ZNF516: variants seen among roughly 807,000 people sequenced by gnomAD.
ZNF516 encodes the protein zinc finger protein 516.
ZNF516 carries 19 observed loss-of-function variants against 79.7 expected under a neutral mutation model. The ratio of observed to expected loss-of-function variants is 0.24; its 90% CI spans 0.17 to 0.35. The LOEUF is 0.35. ZNF516 is among the 10% of genes least tolerant of loss of function. ZNF516 has a pLI of 1.00. For missense variants in ZNF516, 1,678 were observed against 1,679.5 expected, an observed-to-expected ratio of 1.00 and a Z score of 0.02; for synonymous variants, 877 against 739.5, an observed-to-expected ratio of 1.19 and a Z score of -3.02.
At chr18:76,381,375 G>A (rs2074890059) in intron 3 of ZNF516, among the ~76,000 whole-genome samples, 2 of 152,134 alleles carry the variant, frequency 1.3e-5, no homozygotes, top group South Asian at 2.1e-4. Flanking sequence ...ATAAAACACA[G>A]GATTCTTCAC....
chr18:76,377,307 G>A (rs547079967), intron 4 of ZNF516, among the ~76,000 whole-genome samples: 5 of 152,396 alleles, frequency 3.3e-5, no homozygotes, highest in Admixed American at 1.3e-4. Flanking sequence ...CCGGGCCTAC[G>A]GCCTCATCCT....
chr18:76,495,667 T>C, upstream of ZNF516: 2 of 1,168,360 alleles, frequency 1.7e-6, no homozygotes, highest in South Asian at 1.4e-5. Flanking sequence ...GGAGGCCGTT[T>C]CCGCGCGCAC....
chr18:76,487,050 T>C (rs748634332), intron 1 of ZNF516, among the ~76,000 whole-genome samples: 7 of 152,252 alleles, frequency 4.6e-5, no homozygotes, highest in Non-Finnish European at 1.0e-4. Flanking sequence ...GTTTGCTTTC[T>C]AAAAATAGTT....
chr18:76,442,141 T>C lies in ZNF516; in HGVS notation c.914A>G (p.Lys305Arg), dbSNP rs1409956098. ...MKAHGPKTGS[K>R]NRPKSELDPI... is the part of the protein sequence containing the mutation. ...GTCCAGCTCACTCTTGGGCCTGTTC[T>C]TGCTGCCCGTCTTGGGGCCGTGCGC... Residue 305 changes from lysine to arginine, a missense_variant, in exon 3 of 7, where the codon AAG (lysine) becomes AGG (arginine). Coordinates refer to ENST00000443185, the MANE Select transcript of ZNF516 (RefSeq NM_014643.4). The C allele has an allele frequency of 1.2e-6, 2 of 1,613,884 alleles. No homozygotes were observed. Among genetic ancestry groups the C allele is most frequent in the South Asian group, 1.1e-5 (1 of 91,090 alleles).
At chr18:76,489,586 CAAAAAAAAAAAAAA>C (rs5826461) in intron 1 of ZNF516, among the ~76,000 whole-genome samples, 1 of 109,396 alleles carries the variant, frequency 9.1e-6, no homozygotes, top group African/African-American at 3.4e-5. Context: ...CAACATCTTA[CAAAAAAAAAAAAAA>C]AAAAAAAGTT....
In ZNF516 at chr18:76,358,380, A is replaced by G. The variant is rs942846818; in HGVS notation, c.*4118T>C. 1 of 152,256 alleles carries G rather than the reference A, an allele frequency of 6.6e-6. No individual in the cohort carries two copies. The highest frequency in any genetic ancestry group is 1.9e-4 in the East Asian group (1 of 5,206). 9.4% of individuals were successfully genotyped at this position (152,256 alleles called of 1,614,324 possible). A position where few individuals can be genotyped will look rare whatever the true frequency, so the allele number is the denominator to read the frequency against. ...TATAAATTGTATTTTAAAAAAAGAA[A>G]TACAAATTCTATGGTCTTTTGCATT... On this transcript the variant is annotated 3_prime_UTR_variant, in exon 7 of 7. Coordinates refer to ENST00000443185, the MANE Select transcript of ZNF516 (RefSeq NM_014643.4).
chr18:76,370,700 G>C (rs690035), intron 5 of ZNF516, 105 bp from the exon 6 acceptor site: 258,229 of 927,716 alleles, frequency 0.28, 37,523 homozygotes, highest in African/African-American at 0.31. Context: ...AAAGACACCA[G>C]CGCCTAGCCT....
At chr18:76,491,327 C>A (rs993408381) in intron 1 of ZNF516, among the ~76,000 whole-genome samples, 5 of 128,232 alleles carry the variant, frequency 3.9e-5, no homozygotes, top group Admixed American at 7.5e-5. Flanking sequence ...CTCGCTCCCC[C>A]CAACCCCGCG....
chr18:76,409,708 GC>G (rs2075349351), intron 3 of ZNF516, among the ~76,000 whole-genome samples: 1 of 152,210 alleles, frequency 6.6e-6, no homozygotes, highest in African/African-American at 2.4e-5. Flanking sequence ...CCTCCCTGTA[GC>G]TGGAGATGGT....
intron 1 of ZNF516, among the ~76,000 whole-genome samples, chr18:76,476,096 A>G (rs541377093): frequency 6.6e-6 from 1 of 152,354 alleles, no homozygotes; most frequent in African/African-American, 2.4e-5. Flanking sequence ...TGCACTTTGT[A>G]CTATTATCTG....
chr18:76,468,323 C>G (rs1246563198), intron 1 of ZNF516, among the ~76,000 whole-genome samples: 1 of 152,162 alleles, frequency 6.6e-6, no homozygotes, highest in Non-Finnish European at 1.5e-5. Flanking sequence ...GCTTGTCCAA[C>G]CCGCGGCAGC....
rs2145018490 is a variant in ZNF516, at chr18:76,379,150, T to C, written c.2964A>G (p.Ala988=). 1.2e-6 allele frequency: 2 copies of C among 1,612,836 alleles called. No individual in the cohort carries two copies. Among genetic ancestry groups the C allele is most frequent in the Non-Finnish European group, 1.7e-6 (2 of 1,179,712 alleles). ...FSAQPQGPPP[A]KGEGGAPPLP... ...GAGGAGGAGCGCCCCCTTCGCCCTTTGCAGGAGGTGGACCCTGAGGCTGAG... is the reference window on the plus strand; with the variant it reads ...GAGGAGGAGCGCCCCCTTCGCCCTTCGCAGGAGGTGGACCCTGAGGCTGAG... The change falls in exon 4 of 7, where the codon GCA becomes GCG. Residue 988 remains alanine (A), a synonymous_variant. Transcript: ENST00000443185.
At chr18:76,429,607 T>A (rs2075637157) in intron 3 of ZNF516, among the ~76,000 whole-genome samples, 1 of 152,156 alleles carries the variant, frequency 6.6e-6, no homozygotes, top group Non-Finnish European at 1.5e-5. Context: ...AAAGGTCAGC[T>A]TCTTGTCCCC....
intron 3 of ZNF516, among the ~76,000 whole-genome samples, chr18:76,419,271 A>C (rs2075476362): frequency 2.0e-5 from 3 of 152,210 alleles, no homozygotes; most frequent in Admixed American, 2.0e-4. Context: ...TATCTTCCAG[A>C]TGTGTTAGGT....
chr18:76,433,634 G>A (rs1334065681), intron 3 of ZNF516, among the ~76,000 whole-genome samples: 1 of 152,204 alleles, frequency 6.6e-6, no homozygotes, highest in Non-Finnish European at 1.5e-5. Context: ...AGACGGGCAG[G>A]TGCCAGAGCT....
intron 2 of ZNF516, among the ~76,000 whole-genome samples, chr18:76,444,565 A>G (rs191834420): frequency 8.1e-4 from 124 of 152,348 alleles, no homozygotes; most frequent in African/African-American, 2.6e-3. Context: ...GAAAGATGAC[A>G]GGGCCACCCA....
chr18:76,482,963 G>GT (rs1382629761), intron 1 of ZNF516, among the ~76,000 whole-genome samples: 1 of 152,084 alleles, frequency 6.6e-6, no homozygotes, highest in Non-Finnish European at 1.5e-5. Context: ...TAGTATATAG[G>GT]TTCGGGTAAA....
Position 76,378,907 on chromosome 18 carries a change from A to C in ZNF516, c.3207T>G (p.Phe1069Leu). 1.2e-6 allele frequency: 2 copies of C among 1,613,806 alleles called. No homozygotes were observed. The highest frequency in any genetic ancestry group is 2.7e-5 in the African/African-American group (2 of 75,050). Reference protein sequence around the residue: ...NIFKTYIPKDFATLYQGWGVS... With the variant: ...NIFKTYIPKDLATLYQGWGVS... ...CACCCCATCCCTGGTAGAGGGTCGC[A>C]AAGTCCTTTGGAATGTACGTCTTAA... Residue 1069 changes from phenylalanine (F) to leucine (L), a missense_variant, in exon 4 of 7, where the codon TTT (phenylalanine) becomes TTG (leucine). Phe to Leu is a conservative substitution (Grantham distance 22, BLOSUM62 0). This residue lies in a region of ZNF516 where 1,294 missense variants were observed against 1,248.3 expected (regional missense o/e 1.04). Coordinates refer to ENST00000443185, the MANE Select transcript of ZNF516 (RefSeq NM_014643.4).
intron 3 of ZNF516, among the ~76,000 whole-genome samples, chr18:76,407,044 G>A (rs534860467): frequency 6.6e-6 from 1 of 152,314 alleles, no homozygotes; most frequent in Non-Finnish European, 1.5e-5. Context: ...CTCGTGCACA[G>A]GCTGGGTGGA....
Sources: allele counts gnomAD v4.1 joint callset (sites outside exome capture counted in the v4.1 genomes callset), GRCh38; gene constraint gnomAD v4.1.1; regional missense constraint gnomAD v4.1.1; transcripts MANE v1.5; gene names NCBI Gene and HGNC (gene_info 2026-07-23, HGNC 2026-07-21).